The following CMC4 variants were observed in gnomAD, a reference collection of about 807,000 sequenced individuals.
The protein encoded by CMC4 is cx9C motif-containing protein 4.
CMC4 carries 4 observed loss-of-function variants against 5.1 expected under a neutral mutation model. The observed-to-expected ratio is 0.78, with a 90% CI of 0.38 to 1.78. The LOEUF (loss-of-function observed/expected upper bound fraction) is 1.78. Ranked by LOEUF, CMC4 falls within the 40% of genes most tolerant of loss-of-function variation. CMC4 has a pLI of 0.04. For synonymous variants in CMC4, 23 were observed against 18.9 expected (o/e 1.22, Z -0.57); for missense variants, 52 against 51.3 (o/e 1.01, Z -0.04).
intron 1 of CMC4, chrX:155,065,179 G>A (rs782100018): frequency 3.1e-6 from 1 of 326,395 alleles, no homozygotes; most frequent in East Asian, 5.2e-5. Flanking sequence ...TACGGATCCT[G>A]ACTAAGTGCT....
intron 1 of CMC4, among the ~76,000 whole-genome samples, chrX:155,069,812 C>T (rs1292548989): frequency 8.9e-6 from 1 of 112,220 alleles, no homozygotes; most frequent in Non-Finnish European, 1.9e-5. Flanking sequence ...AGATTGACTA[C>T]CGCCGATAAC....
chrX:155,066,754 C>T (rs1038342715), intron 1 of CMC4, among the ~76,000 whole-genome samples: 6 of 111,868 alleles, frequency 5.4e-5, no homozygotes, highest in Non-Finnish European at 9.4e-5. Flanking sequence ...GAAAGTTATC[C>T]ATCTAGGTCC....
Position 155,061,746 on chromosome X carries a change from CTT to C in CMC4, c.*95_*96del. On this transcript the variant is annotated 3_prime_UTR_variant, in exon 3 of 3. Coordinates refer to ENST00000369484, the MANE Select transcript of CMC4 (RefSeq NM_001018024.3). ...CATATTCATTAACTTTTGTAGCTGA[CTT>C]TTTCATTTGCTATTTGCTGCTACCT... 1.9e-6 allele frequency: 2 copies of C among 1,031,753 alleles called. No homozygotes were observed. Among genetic ancestry groups the C allele is most frequent in the Non-Finnish European group, 2.6e-6 (2 of 763,572 alleles). The allele number at this position is 1,031,753 out of a possible 1,213,427, so 85.0% of individuals were successfully genotyped here.
chrX:155,067,733 T>C (rs2073954126), intron 1 of CMC4, among the ~76,000 whole-genome samples: 1 of 112,545 alleles, frequency 8.9e-6, no homozygotes, highest in African/African-American at 3.2e-5. Context: ...TTCTGCTCAA[T>C]AGCAGGAATG....
chrX:155,069,194 G>A (rs1557292228), intron 1 of CMC4, among the ~76,000 whole-genome samples: 2 of 112,687 alleles, frequency 1.8e-5, no homozygotes, highest in Admixed American at 9.3e-5. Flanking sequence ...TTTTAAAAAA[G>A]TATAGTTTGC....
intron 1 of CMC4, among the ~76,000 whole-genome samples, chrX:155,068,196 T>C (rs781832337): frequency 5.2e-4 from 58 of 112,339 alleles, no homozygotes; most frequent in Non-Finnish European, 9.8e-4. Flanking sequence ...TTTAAATTTG[T>C]TTTGAATGGA....
Position 155,061,767 on chromosome X carries a change from G to T in CMC4, c.*76C>A. 1 of 1,110,540 alleles carries T rather than the reference G, an allele frequency of 9.0e-7. No individual in the cohort carries two copies. The highest frequency in any genetic ancestry group is 1.2e-6 in the Non-Finnish European group (1 of 829,033). The allele number at this position is 1,110,540 out of a possible 1,213,427, so 91.5% of individuals were successfully genotyped here. A position where few individuals can be genotyped will look rare whatever the true frequency, so the allele number is the denominator to read the frequency against. The stretch of plus-strand genomic sequence containing the variant: ...CTGACTTTTTCATTTGCTATTTGCT[G>T]CTACCTGGCCTGAAGAGTCAGGAGG... On this transcript the variant is annotated 3_prime_UTR_variant, in exon 3 of 3. Transcript: ENST00000369484.
Position 155,061,986 on chromosome X carries a change from T to G in CMC4, c.64A>C (p.Ser22Arg). ...GCCTGACACTTTGATTCCATGTAGCTGTTGGCTGAAAAACATACAGGCAGA... is the reference window on the plus strand; with the variant it reads ...GCCTGACACTTTGATTCCATGTAGCGGTTGGCTGAAAAACATACAGGCAGA... ...CEIQKCLQAN[S>R]YMESKCQAVI... is the part of the protein sequence containing the mutation. The change falls in exon 3 of 3, where the codon AGC (serine) becomes CGC (arginine). Residue 22 changes from serine to arginine, a missense_variant. Ser to Arg is a moderately radical substitution (Grantham distance 110, BLOSUM62 -1). Transcript: ENST00000369484. 2 of 1,209,601 alleles carry G rather than the reference T, an allele frequency of 1.7e-6. No individual in the cohort carries two copies. The highest frequency in any genetic ancestry group is 2.2e-6 in the Non-Finnish European group (2 of 894,497).
intron 1 of CMC4, among the ~76,000 whole-genome samples, chrX:155,069,024 G>A (rs2073959357): frequency 8.9e-6 from 1 of 112,118 alleles, no homozygotes; most frequent in Admixed American, 9.4e-5. Flanking sequence ...CCTTGATTTC[G>A]GGGCCAGAGA....
intron 2 of CMC4, among the ~76,000 whole-genome samples, chrX:155,063,672 A>G (rs782784780): frequency 1.8e-5 from 2 of 111,785 alleles, no homozygotes; most frequent in Non-Finnish European, 3.8e-5. Context: ...AAAACAAACA[A>G]CAACAACAAA....
chrX:155,068,465 G>A (rs954448146), intron 1 of CMC4, among the ~76,000 whole-genome samples: 1 of 112,082 alleles, frequency 8.9e-6, no homozygotes, highest in African/African-American at 3.2e-5. Context: ...GCATTCAGAG[G>A]GCATGCAGGC....
intron 1 of CMC4, among the ~76,000 whole-genome samples, chrX:155,067,290 G>A (rs782326626): frequency 1.1e-4 from 12 of 111,807 alleles, no homozygotes; most frequent in Non-Finnish European, 1.9e-4. Flanking sequence ...TTTCAAACTC[G>A]TCTAAACTTT....
At chrX:155,062,951 C>G (rs1244094529) in intron 2 of CMC4, among the ~76,000 whole-genome samples, 2 of 111,734 alleles carry the variant, frequency 1.8e-5, no homozygotes, top group Non-Finnish European at 3.8e-5. Flanking sequence ...TTTAGTCTTT[C>G]CAGTTCTTAA....
rs782029945 is a variant in CMC4, at chrX:155,064,035, T to C, written c.-10-2A>G. 8.5e-7 allele frequency: 1 copy of C among 1,178,443 alleles called. No individual in the cohort carries two copies. The highest frequency in any genetic ancestry group is 1.8e-5 in the African/African-American group (1 of 55,784). On this transcript the variant is annotated splice_acceptor_variant, in intron 1 of 2. Transcript: ENST00000369484. LOFTEE classifies it low-confidence loss of function (5UTR_SPLICE). Reference sequence around the variant, plus strand: ...TCCTTCTGCGGCATATCCAGAAAACTAAAACAAGAAAAATGATTTTTATTT... The same window carrying C: ...TCCTTCTGCGGCATATCCAGAAAACCAAAACAAGAAAAATGATTTTTATTT...
chrX:155,063,871 C>T, intron 2 of CMC4, 95 bp downstream of exon 2: 1 of 656,646 alleles, frequency 1.5e-6, no homozygotes, highest in African/African-American at 2.3e-5. Flanking sequence ...ACGTTACATT[C>T]TTAAAAAAGA....
intron 1 of CMC4, chrX:155,065,767 C>T (rs1557291959): frequency 8.3e-7 from 1 of 1,210,966 alleles, no homozygotes; most frequent in Admixed American, 2.2e-5. Flanking sequence ...TTGCTGGACT[C>T]GTGCCCTTAG....
At chrX:155,067,558 C>T (rs1177657240) in intron 1 of CMC4, among the ~76,000 whole-genome samples, 1 of 112,218 alleles carries the variant, frequency 8.9e-6, no homozygotes, top group African/African-American at 3.2e-5. Flanking sequence ...CTCTGCCTAT[C>T]TTAGTGCTAT....
At chrX:155,063,904 T>C in intron 2 of CMC4, 62 bp downstream of exon 2, 2 of 860,751 alleles carry the variant, frequency 2.3e-6, no homozygotes, top group Non-Finnish European at 3.3e-6. Flanking sequence ...AAAAGAATAA[T>C]TGGTCTCTTA....
At chrX:155,068,086 T>A (rs1269571722) in intron 1 of CMC4, among the ~76,000 whole-genome samples, 4 of 112,330 alleles carry the variant, frequency 3.6e-5, no homozygotes, top group African/African-American at 1.3e-4. Flanking sequence ...GACTTAAGTG[T>A]GGCCAATAAC....
Sources: gnomAD v4.1 joint callset for allele counts (sites outside exome capture counted in the v4.1 genomes callset) on GRCh38, gnomAD v4.1.1 for gene constraint, MANE v1.5 for transcripts, NCBI Gene and HGNC (gene_info 2026-07-23, HGNC 2026-07-21) for gene names.